CELF2: variants seen among roughly 807,000 people sequenced by gnomAD.
CELF2 encodes CUG triplet repeat RNA-binding protein 2.
A neutral mutation model predicts 62.6 loss-of-function variants in CELF2; 8 were observed. That is an observed-to-expected ratio of 0.13 (90% CI 0.07 to 0.23). CELF2 has a LOEUF of 0.23. Among genes scored for constraint, CELF2 ranks in the 10% least tolerant of loss-of-function variants. The pLI, the probability that CELF2 is intolerant of heterozygous loss-of-function variation, is 1.00. For synonymous variants in CELF2, 258 were observed against 250.0 expected, an observed-to-expected ratio of 1.03 and a Z score of -0.30; for missense variants, 333 against 671.0, an observed-to-expected ratio of 0.50 and a Z score of 5.56.
chr10:10,987,337 C>A (rs951766397), intron 2 of CELF2, among the ~76,000 whole-genome samples: 3 of 151,586 alleles, frequency 2.0e-5, no homozygotes, highest in African/African-American at 7.3e-5. Flanking sequence ...GAGAATTTCC[C>A]AAATGTAAGC....
chr10:10,841,882 A>G (rs2058709042), intron 1 of CELF2, among the ~76,000 whole-genome samples: 1 of 152,104 alleles, frequency 6.6e-6, no homozygotes, highest in South Asian at 2.1e-4. Flanking sequence ...TCAAATTGGG[A>G]ACAACTGACA....
intron 4 of CELF2, among the ~76,000 whole-genome samples, chr10:11,249,571 A>G (rs1359431095): frequency 1.3e-5 from 2 of 151,640 alleles, no homozygotes; most frequent in African/African-American, 2.4e-5. Flanking sequence ...GGAATTGCCC[A>G]TGAAGAATTA....
the CELF2 span, among the ~76,000 whole-genome samples, chr10:10,757,277 G>A: frequency 2.0e-5 from 3 of 151,316 alleles, no homozygotes; most frequent in Non-Finnish European, 4.4e-5. Flanking sequence ...GGACAACAAA[G>A]CAAGAACCCT....
chr10:10,917,335 G>T (rs2064437993), intron 1 of CELF2, among the ~76,000 whole-genome samples: 1 of 152,136 alleles, frequency 6.6e-6, no homozygotes, highest in South Asian at 2.1e-4. Flanking sequence ...ATTGTTGTTT[G>T]TTTTGTTTTG....
chr10:11,053,612 C>CTTT lies in CELF2; in HGVS notation c.74+35467_74+35469dup, dbSNP rs35886208. On this transcript the variant is annotated intron_variant, in intron 1 of 12. Coordinates refer to ENST00000633077, the MANE Select transcript of CELF2 (RefSeq NM_001326342.2). ...CATTCGTAGGCATACTCTGATATTT[C>CTTT]TTTTTTTTTTTTTTTTTTTTGAGAC... Among the ~76,000 whole-genome samples, 678 of 122,378 alleles carry CTTT rather than the reference C, an allele frequency of 5.5e-3. 9 individuals are homozygous for CTTT. Among genetic ancestry groups the CTTT allele is most frequent in the African/African-American group, 0.019 (615 of 33,114 alleles). The allele number at this position is 122,378 out of a possible 152,430, so 80.3% of individuals were successfully genotyped here. A position where few individuals can be genotyped will look rare whatever the true frequency, so the allele number is the denominator to read the frequency against.
At position 10,825,177 on chromosome 10, in the gene CELF2, G is replaced by A. The variant is rs763554459; in HGVS notation, c.53+26360G>A. Among the ~76,000 whole-genome samples, 3 of 152,054 alleles carry A rather than the reference G, an allele frequency of 2.0e-5. No homozygotes were observed. The South Asian group carries it at 6.2e-4, about 32-fold the overall frequency. ...GTGGGGTTTTGGAGGGAAGGATACC[G>A]ATTTTTTTTGTTGTTGTTTTTTTGT... On this transcript the variant is annotated intron_variant, in intron 1 of 13. Transcript: ENST00000636488.
upstream of CELF2, among the ~76,000 whole-genome samples, chr10:11,013,216 T>C (rs1165670259): frequency 6.6e-6 from 1 of 152,168 alleles, no homozygotes; most frequent in African/African-American, 2.4e-5. This position sits in a 1 kb window ranked among gnomAD's most constrained non-coding sequence, Gnocchi z 4.1. Context: ...AGGAAGTTTC[T>C]GCCACTGTCT....
chr10:10,875,873 GC>G (rs1172831507), intron 1 of CELF2, among the ~76,000 whole-genome samples: 1 of 152,140 alleles, frequency 6.6e-6, no homozygotes, highest in Non-Finnish European at 1.5e-5. Flanking sequence ...ATAAAATGCT[GC>G]CTTTTCGCTT....
the CELF2 span, among the ~76,000 whole-genome samples, chr10:10,616,717 TGTGAGAGAGAGA>T: frequency 9.4e-5 from 13 of 138,784 alleles, no homozygotes; most frequent in East Asian, 2.7e-3. Flanking sequence ...TGTGTGTGTG[TGTGAGAGAGAGA>T]GAGAGAGAGA....
At chr10:10,819,582 G>A (rs966623714) in intron 1 of CELF2, among the ~76,000 whole-genome samples, 7 of 151,982 alleles carry the variant, frequency 4.6e-5, no homozygotes, top group African/African-American at 7.3e-5. Context: ...CCACGAGACT[G>A]GAGAGAGAAC....
At chr10:10,523,060 G>C in the CELF2 span, among the ~76,000 whole-genome samples, 1 of 152,182 alleles carries the variant, frequency 6.6e-6, no homozygotes, top group African/African-American at 2.4e-5. Flanking sequence ...TCTGGGACTT[G>C]GGCAGAATGG....
At chr10:10,623,188 T>C in the CELF2 span, among the ~76,000 whole-genome samples, 2 of 148,066 alleles carry the variant, frequency 1.4e-5, no homozygotes, top group Non-Finnish European at 1.5e-5. Flanking sequence ...TGAATGGCAG[T>C]ACAGCTGCCT....
At chr10:11,055,322 A>G (rs1447247451) in intron 1 of CELF2, among the ~76,000 whole-genome samples, 1 of 152,210 alleles carries the variant, frequency 6.6e-6, no homozygotes, top group African/African-American at 2.4e-5. Context: ...ATTATTCTGT[A>G]TCTAGTACTA....
At chr10:10,751,157 G>C in the CELF2 span, among the ~76,000 whole-genome samples, 1 of 152,246 alleles carries the variant, frequency 6.6e-6, no homozygotes, top group African/African-American at 2.4e-5. Context: ...TGCTGAGCCT[G>C]TGGGAGCAAA....
Position 11,220,342 on chromosome 10 carries a change from C to T in CELF2, c.354+2835C>T, listed in dbSNP as rs114862036. Among the ~76,000 whole-genome samples the T allele has an allele frequency of 3.7e-3, 562 of 152,230 alleles. 3 individuals carry two copies. The highest frequency in any genetic ancestry group is 0.013 in the African/African-American group (533 of 41,538). On this transcript the variant is annotated intron_variant, in intron 3 of 12. Transcript: ENST00000633077. This position sits in a 1 kb window ranked among gnomAD's most constrained non-coding sequence, Gnocchi z 4.4. ...TTTGGAGTTTGCTTTCCTCTGTATG[C>T]GCCATCTTTCTTTCTTGAGGGACAC...
chr10:10,725,269 AT>A, the CELF2 span, among the ~76,000 whole-genome samples: 1 of 152,194 alleles, frequency 6.6e-6, no homozygotes, highest in African/African-American at 2.4e-5. Context: ...GTTGACCTCT[AT>A]TCAGGGTGTT....
the CELF2 span, among the ~76,000 whole-genome samples, chr10:10,598,420 T>C: frequency 6.6e-6 from 1 of 152,222 alleles, no homozygotes; most frequent in Non-Finnish European, 1.5e-5. Context: ...TGATTTATGC[T>C]GGGCAGCCAT....
intron 2 of CELF2, among the ~76,000 whole-genome samples, chr10:10,973,504 T>C (rs953989940): frequency 6.6e-6 from 1 of 152,130 alleles, no homozygotes; most frequent in African/African-American, 2.4e-5. Flanking sequence ...CTACTCACCA[T>C]GTGGAAGAGG....
intron 1 of CELF2, among the ~76,000 whole-genome samples, chr10:10,833,702 A>G (rs191520657): frequency 2.4e-4 from 36 of 152,352 alleles, no homozygotes; most frequent in African/African-American, 7.7e-4. Context: ...CAACAAGCAT[A>G]TGAAAAAAAA....
Sources: gnomAD v4.1 joint callset for allele counts (sites outside exome capture counted in the v4.1 genomes callset) on GRCh38, gnomAD v4.1.1 for gene constraint, Gnocchi (gnomAD v3.1) non-coding constraint, MANE v1.5 for transcripts, NCBI Gene and HGNC (gene_info 2026-07-23, HGNC 2026-07-21) for gene names.